MAP2K5: variants seen among roughly 807,000 people sequenced by gnomAD.
The protein encoded by MAP2K5 is mitogen-activated protein kinase kinase 5, also known as dual specificity mitogen-activated protein kinase kinase 5.
In MAP2K5, 49 loss-of-function variants were observed where a neutral mutation model predicts 83.1. The observed-to-expected ratio is 0.59, with a 90% CI of 0.47 to 0.75. The LOEUF (loss-of-function observed/expected upper bound fraction) is 0.75, where lower values mean the gene tolerates loss of function less well. Ranked by LOEUF, MAP2K5 falls within the 30% of genes least tolerant of loss-of-function variation. The pLI is 0.00. For synonymous variants in MAP2K5, 202 were observed against 191.8 expected (o/e 1.05, Z -0.44); for missense variants, 457 against 557.5 (o/e 0.82, Z 1.82).
At chr15:67,696,234 C>G (rs2088254496) in intron 15 of MAP2K5, among the ~76,000 whole-genome samples, 1 of 150,922 alleles carries the variant, frequency 6.6e-6, no homozygotes. Context: ...AACTACAGTT[C>G]TCAGGCCAAA....
intron 17 of MAP2K5, among the ~76,000 whole-genome samples, chr15:67,731,973 A>G (rs1405227640): frequency 6.6e-6 from 1 of 152,118 alleles, no homozygotes; most frequent in African/African-American, 2.4e-5. Context: ...TTTTCTTACC[A>G]TGTATTTAGC....
In MAP2K5 at chr15:67,705,258, G is replaced by A. The variant is rs1864040569; in HGVS notation, c.1044+1850G>A. 2.0e-5 allele frequency among the ~76,000 whole-genome samples: 3 copies of A among 152,196 alleles called. No individual in the cohort carries two copies. In the South Asian group the frequency reaches 6.2e-4, roughly 32 times the overall value. On this transcript the variant is annotated intron_variant, in intron 16 of 21. Coordinates refer to ENST00000178640, the MANE Select transcript of MAP2K5 (RefSeq NM_145160.3). ...TTTCTACATTCATTTATGCATTCAT[G>A]TGTTGAACTCCTGCTATGCCTGCTG... is the stretch of plus-strand genomic sequence containing the variant.
intron 21 of MAP2K5, among the ~76,000 whole-genome samples, chr15:67,787,981 A>G (rs1162063696): frequency 6.6e-6 from 1 of 152,196 alleles, no homozygotes; most frequent in African/African-American, 2.4e-5. Flanking sequence ...AATTGGGAAA[A>G]AATGGAGGAA....
At position 67,779,680 on chromosome 15, in the gene MAP2K5, G is replaced by A. The variant is rs1040025462; in HGVS notation, c.1242+6928G>A. Reference sequence around the variant, plus strand: ...GATGATGACTTGCCTGTTTAAGATTGTAGTTATTTGAACTCATGTCTCTAA... The same window carrying A: ...GATGATGACTTGCCTGTTTAAGATTATAGTTATTTGAACTCATGTCTCTAA... On this transcript the variant is annotated intron_variant, in intron 21 of 21. Transcript: ENST00000178640. This position sits in a 1 kb window ranked among gnomAD's most constrained non-coding sequence, Gnocchi z 4.6. Among the ~76,000 whole-genome samples, 9 of 152,184 alleles carry A rather than the reference G, an allele frequency of 5.9e-5. No homozygotes were observed. The highest frequency in any genetic ancestry group is 5.9e-4 in the Admixed American group (9 of 15,280).
rs1036567587 is a variant in MAP2K5, at chr15:67,561,389, A to G, written c.185-1894A>G. 3.3e-5 allele frequency among the ~76,000 whole-genome samples: 5 copies of G among 152,130 alleles called. No homozygotes were observed. The highest frequency in any genetic ancestry group is 6.6e-5 in the Admixed American group (1 of 15,266). On this transcript the variant is annotated intron_variant, in intron 2 of 21. Coordinates refer to ENST00000178640, the MANE Select transcript of MAP2K5 (RefSeq NM_145160.3). The surrounding 1 kb of genome is among the most constrained non-coding windows in gnomAD (Gnocchi z 4.2). ...CAGCTGGAATGGCATTTCTCCCCCAATTTGGCTCTAGAGATTCTATATCTA... is the reference window on the plus strand; with the variant it reads ...CAGCTGGAATGGCATTTCTCCCCCAGTTTGGCTCTAGAGATTCTATATCTA...
In MAP2K5 at chr15:67,569,932, T is replaced by A. The variant is rs972783988; in HGVS notation, c.252+6582T>A. Among the ~76,000 whole-genome samples, 66 of 152,304 alleles carry A rather than the reference T, an allele frequency of 4.3e-4. 1 individual carries two copies. Among genetic ancestry groups the A allele is most frequent in the African/African-American group, 1.5e-3 (63 of 41,558 alleles). On this transcript the variant is annotated intron_variant, in intron 3 of 21. Coordinates refer to ENST00000178640, the MANE Select transcript of MAP2K5 (RefSeq NM_145160.3). The stretch of plus-strand genomic sequence containing the variant: ...AGTCCTGTTTTATTTAAGTGGCAGG[T>A]TCCCTGAAGCTGCTATTAAAACTTC...
At chr15:67,798,834 G>A (rs1273257755) in intron 21 of MAP2K5, among the ~76,000 whole-genome samples, 1 of 152,174 alleles carries the variant, frequency 6.6e-6, no homozygotes, top group African/African-American at 2.4e-5. Context: ...TGAAGGGCTG[G>A]CAAGGAACCC....
intron 13 of MAP2K5, among the ~76,000 whole-genome samples, chr15:67,678,305 G>A (rs1363886678): frequency 2.0e-5 from 3 of 152,180 alleles, no homozygotes; most frequent in Non-Finnish European, 4.4e-5. Context: ...CTGGCTCCTG[G>A]TAAACTGAGA....
chr15:67,805,565 GC>G (rs964557184), intron 21 of MAP2K5, among the ~76,000 whole-genome samples: 1 of 151,470 alleles, frequency 6.6e-6, no homozygotes, highest in African/African-American at 2.4e-5. Context: ...TGGAGGACAG[GC>G]CCAAGAGGGG....
intron 13 of MAP2K5, among the ~76,000 whole-genome samples, chr15:67,666,120 G>A (rs1452508999): frequency 6.6e-6 from 1 of 152,176 alleles, no homozygotes; most frequent in Non-Finnish European, 1.5e-5. Context: ...TAAAAGGGCA[G>A]TGCCATGGAA....
At chr15:67,634,454 A>C (rs189179808) in intron 9 of MAP2K5, among the ~76,000 whole-genome samples, 83 of 148,276 alleles carry the variant, frequency 5.6e-4, no homozygotes, top group Admixed American at 4.2e-3. Flanking sequence ...TGTCAATTAG[A>C]TCAAGTTGGC....
intron 3 of MAP2K5, among the ~76,000 whole-genome samples, chr15:67,579,327 C>T (rs1348030100): frequency 2.6e-5 from 4 of 152,164 alleles, no homozygotes; most frequent in Admixed American, 6.5e-5. Context: ...TTATTGCTGT[C>T]CCAAAAGGTT....
intron 9 of MAP2K5, among the ~76,000 whole-genome samples, chr15:67,635,472 G>A (rs28393858): frequency 5.3e-5 from 8 of 152,212 alleles, no homozygotes; most frequent in African/African-American, 1.4e-4. Context: ...ACCGTGCCCG[G>A]CCTGGAAATA....
chr15:67,693,435 ATTGTAGG>A (rs2088165937), intron 14 of MAP2K5, 76 bp from the exon 15 acceptor site: 1 of 1,045,660 alleles, frequency 9.6e-7, no homozygotes, highest in Non-Finnish European at 1.5e-6. Context: ...ATGAATGATG[ATTGTAGG>A]TTAAATGAGG....
rs770261138 is a variant in MAP2K5, at chr15:67,646,391, G to T, written c.658G>T (p.Asp220Tyr). 1 of 1,582,192 alleles carries T rather than the reference G, an allele frequency of 6.3e-7. No homozygotes were observed. The highest frequency in any genetic ancestry group is 8.7e-7 in the Non-Finnish European group (1 of 1,153,382). ...TTTTGTCTTATTTTTGTTACAGTGC[G>T]ATTCATCATATATCATTGGATTTTA... ...MSELEILYKCDSSYIIGFYGA... is the reference protein window; with the variant it reads ...MSELEILYKCYSSYIIGFYGA... Residue 220 changes from aspartate to tyrosine, a missense_variant, in exon 11 of 22, where the codon GAT (aspartate) becomes TAT (tyrosine). Physicochemically the swap from Asp to Tyr is radical, Grantham distance 160. Transcript: ENST00000178640.
rs1309378160 is a variant in MAP2K5, at chr15:67,746,387, A to G, written c.1075-1844A>G. On this transcript the variant is annotated intron_variant, in intron 17 of 21. Coordinates refer to ENST00000178640, the MANE Select transcript of MAP2K5 (RefSeq NM_145160.3). The surrounding 1 kb of genome is among the most constrained non-coding windows in gnomAD (Gnocchi z 4.1). ...ATTTCTGATTCTTTATTCATTACAA[A>G]TAACTCCGTTGTTGAAGCAGATATA... is the stretch of plus-strand genomic sequence containing the variant. Among the ~76,000 whole-genome samples, 1 of 152,150 alleles carries G rather than the reference A, an allele frequency of 6.6e-6. No individual in the cohort carries two copies. The highest frequency in any genetic ancestry group is 1.5e-5 in the Non-Finnish European group (1 of 68,016).
At chr15:67,771,987 A>C (rs2090151129) in intron 20 of MAP2K5, among the ~76,000 whole-genome samples, 1 of 152,218 alleles carries the variant, frequency 6.6e-6, no homozygotes, top group South Asian at 2.1e-4. Flanking sequence ...GTGCTTCATC[A>C]CATAGCTAAG....
At position 67,555,681 on chromosome 15, in the gene MAP2K5, G is replaced by T. The variant is rs1361374664; in HGVS notation, c.184+5599G>T. Among the ~76,000 whole-genome samples the T allele has an allele frequency of 6.6e-6, 1 of 152,002 alleles. No individual in the cohort carries two copies. Among genetic ancestry groups the T allele is most frequent in the African/African-American group, 2.4e-5 (1 of 41,388 alleles). ...TTAGCAAACCTTTTAGTCAATGTCA[G>T]TTTGATAGGTGAAAATATTACTGTG... is the stretch of plus-strand genomic sequence containing the variant. On this transcript the variant is annotated intron_variant, in intron 2 of 21. Transcript: ENST00000178640. The surrounding 1 kb of genome is among the most constrained non-coding windows in gnomAD (Gnocchi z 5.2).
At chr15:67,584,678 T>A (rs1161824945) in intron 4 of MAP2K5, among the ~76,000 whole-genome samples, 1 of 143,006 alleles carries the variant, frequency 7.0e-6, no homozygotes, top group African/African-American at 2.6e-5. Flanking sequence ...TCTCCTTTTT[T>A]TTTTTTTTTT....
Sources: allele counts gnomAD v4.1 joint callset (sites outside exome capture counted in the v4.1 genomes callset), GRCh38; gene constraint gnomAD v4.1.1; non-coding constraint Gnocchi (gnomAD v3.1); transcripts MANE v1.5; gene names NCBI Gene and HGNC (gene_info 2026-07-23, HGNC 2026-07-21).